TMEM135: variants seen among roughly 807,000 people sequenced by gnomAD.
TMEM135 encodes peroxisomal membrane protein 52.
A neutral mutation model predicts 60.3 loss-of-function variants in TMEM135; 30 were observed. The observed-to-expected ratio is 0.50, with a 90% confidence interval of 0.37 to 0.68. The LOEUF (loss-of-function observed/expected upper bound fraction) is 0.68. Among genes scored for constraint, TMEM135 ranks in the 30% least tolerant of loss-of-function variants. TMEM135 has a pLI of 0.00. For synonymous variants in TMEM135, 190 were observed against 186.7 expected (o/e 1.02, Z -0.14); for missense variants, 468 against 548.8 (o/e 0.85, Z 1.47).
At chr11:87,077,508 A>G (rs138462213) in intron 3 of TMEM135, among the ~76,000 whole-genome samples, 1 of 152,352 alleles carries the variant, frequency 6.6e-6, no homozygotes, top group African/African-American at 2.4e-5. Context: ...AATTTGCAGA[A>G]TGCGTTTCAT....
intron 4 of TMEM135, among the ~76,000 whole-genome samples, chr11:87,146,523 C>G (rs1453186691): frequency 7.9e-5 from 12 of 152,232 alleles, no homozygotes; most frequent in African/African-American, 2.4e-4. Context: ...AGGCTACTTC[C>G]GTGTGTGAGC....
chr11:87,050,491 C>T (rs199703471), intron 1 of TMEM135, among the ~76,000 whole-genome samples: 4,438 of 37,010 alleles, frequency 0.12, 7 homozygotes, highest in Non-Finnish European at 0.14. Flanking sequence ...ATATCACCAC[C>T]GATCCCACAG....
chr11:87,056,548 CA>C (rs1275011089), intron 1 of TMEM135, among the ~76,000 whole-genome samples: 1 of 152,222 alleles, frequency 6.6e-6, no homozygotes, highest in East Asian at 1.9e-4. Flanking sequence ...TTATGTCCAT[CA>C]AATGGTTGAC....
chr11:87,271,653 C>T (rs1466547645), intron 6 of TMEM135, among the ~76,000 whole-genome samples: 3 of 151,962 alleles, frequency 2.0e-5, no homozygotes, highest in Admixed American at 2.0e-4. Flanking sequence ...AAAATTAAAG[C>T]CTGGGTGCAG....
At chr11:87,072,233 A>AT (rs1260854594) in intron 3 of TMEM135, among the ~76,000 whole-genome samples, 4 of 152,008 alleles carry the variant, frequency 2.6e-5, no homozygotes, top group South Asian at 2.1e-4. Flanking sequence ...ATAATCAAAG[A>AT]TTTTTTCCAT....
intron 5 of TMEM135, among the ~76,000 whole-genome samples, chr11:87,231,875 C>T (rs1940896005): frequency 6.6e-6 from 1 of 151,502 alleles, no homozygotes; most frequent in South Asian, 2.1e-4. Context: ...GCAGATTATA[C>T]ATTGCAGAAT....
intron 4 of TMEM135, among the ~76,000 whole-genome samples, chr11:87,152,035 A>G (rs573889): frequency 0.53 from 80,989 of 151,966 alleles, 22,555 homozygotes; most frequent in East Asian, 0.73. Context: ...TTTGCAGCCA[A>G]TCCACCAGTT....
intron 6 of TMEM135, among the ~76,000 whole-genome samples, chr11:87,244,018 A>G (rs1402665612): frequency 1.1e-5 from 1 of 87,532 alleles, no homozygotes; most frequent in Admixed American, 9.9e-5. Context: ...ATTTTGAGAT[A>G]CGTCCCATCA....
chr11:87,071,731 T>C, intron 3 of TMEM135, 116 bp downstream of exon 3: 1 of 634,276 alleles, frequency 1.6e-6, no homozygotes, highest in South Asian at 2.4e-5. Context: ...GATATATTTT[T>C]TCGGTTCTGC....
chr11:87,165,705 T>G (rs970731676), intron 5 of TMEM135, among the ~76,000 whole-genome samples: 2 of 151,410 alleles, frequency 1.3e-5, no homozygotes, highest in South Asian at 4.2e-4. Context: ...GCAAATACAT[T>G]CAAAAGCTAG....
At chr11:87,067,877 A>G in intron 2 of TMEM135, 56 bp downstream of exon 2, 1 of 1,599,794 alleles carries the variant, frequency 6.3e-7, no homozygotes, top group East Asian at 2.2e-5. Flanking sequence ...TGAAATGGAA[A>G]CAAGTATGTG....
chr11:87,152,734 C>T (rs555479657), intron 4 of TMEM135, among the ~76,000 whole-genome samples: 1 of 152,312 alleles, frequency 6.6e-6, no homozygotes, highest in East Asian at 1.9e-4. Flanking sequence ...CCACCGCATC[C>T]GGCCCTTATG....
intron 4 of TMEM135, among the ~76,000 whole-genome samples, chr11:87,155,300 G>T (rs760010538): frequency 9.9e-5 from 15 of 152,174 alleles, no homozygotes; most frequent in Non-Finnish European, 1.8e-4. Context: ...TGCCCAGACT[G>T]TTTTTAGTTT....
At chr11:87,074,607 A>C (rs1856834550) in intron 3 of TMEM135, among the ~76,000 whole-genome samples, 1 of 152,192 alleles carries the variant, frequency 6.6e-6, no homozygotes, top group Admixed American at 6.5e-5. Context: ...TGTAACAATC[A>C]ACTAGAGTCA....
intron 10 of TMEM135, among the ~76,000 whole-genome samples, chr11:87,312,500 T>C (rs190252069): frequency 4.5e-4 from 68 of 152,026 alleles, no homozygotes; most frequent in African/African-American, 1.5e-3. Context: ...GTCAACACAC[T>C]TTTTCTGTGA....
At chr11:87,070,852 G>C (rs1017337777) in intron 2 of TMEM135, among the ~76,000 whole-genome samples, 1 of 152,068 alleles carries the variant, frequency 6.6e-6, no homozygotes, top group Non-Finnish European at 1.5e-5. Context: ...AGCAAAGAAG[G>C]GAAAACATTT....
intron 6 of TMEM135, among the ~76,000 whole-genome samples, chr11:87,291,318 C>G (rs1447287800): frequency 2.6e-5 from 4 of 152,158 alleles, no homozygotes; most frequent in Admixed American, 1.3e-4. Context: ...TCCGTTTGAT[C>G]AAACCAAAAA....
At chr11:87,232,672 A>G (rs142003883) in intron 5 of TMEM135, among the ~76,000 whole-genome samples, 13 of 152,278 alleles carry the variant, frequency 8.5e-5, no homozygotes, top group African/African-American at 1.4e-4. Flanking sequence ...ACATACATGC[A>G]CTATGGATGA....
intron 6 of TMEM135, among the ~76,000 whole-genome samples, chr11:87,248,827 A>C (rs578121539): frequency 6.6e-6 from 1 of 151,840 alleles, no homozygotes; most frequent in Admixed American, 6.6e-5. Flanking sequence ...GAGATCTTCC[A>C]TTTCTTTCGT....
Sources: allele counts gnomAD v4.1 joint callset (sites outside exome capture counted in the v4.1 genomes callset), GRCh38; gene constraint gnomAD v4.1.1; transcripts MANE v1.5; gene names NCBI Gene and HGNC (gene_info 2026-07-23, HGNC 2026-07-21).